The following PTPN4 variants were observed in gnomAD, a reference collection of about 807,000 sequenced individuals.
The protein encoded by PTPN4 is tyrosine-protein phosphatase non-receptor type 4.
PTPN4 carries 49 observed loss-of-function variants against 135.5 expected under a neutral mutation model. The ratio of observed to expected loss-of-function variants is 0.36; its 90% CI spans 0.29 to 0.46. The LOEUF (loss-of-function observed/expected upper bound fraction) is 0.46. Ranked by LOEUF, PTPN4 falls within the 20% of genes least tolerant of loss-of-function variation. The pLI is 1.00. For synonymous variants in PTPN4, 333 were observed against 369.9 expected (o/e 0.90, Z 1.14); for missense variants, 860 against 1,101.0 (o/e 0.78, Z 3.10).
intron 2 of PTPN4, among the ~76,000 whole-genome samples, chr2:119,815,937 T>C (rs1264168750): frequency 1.3e-5 from 2 of 152,246 alleles, no homozygotes; most frequent in Non-Finnish European, 2.9e-5. Context: ...ACCTGTGCAG[T>C]ACCACCAGAT....
At chr2:119,817,168 C>CT (rs1052799786) in intron 2 of PTPN4, among the ~76,000 whole-genome samples, 6 of 152,158 alleles carry the variant, frequency 3.9e-5, no homozygotes, top group African/African-American at 1.4e-4. Context: ...CCTAGGTTGT[C>CT]TTCCAGGGTT....
intron 1 of PTPN4, among the ~76,000 whole-genome samples, chr2:119,770,980 A>G (rs964928096): frequency 1.3e-5 from 2 of 151,912 alleles, no homozygotes; most frequent in African/African-American, 4.8e-5. Context: ...CCTGGGTTCA[A>G]GCGATTCTCC....
intron 26 of PTPN4, among the ~76,000 whole-genome samples, chr2:119,975,461 C>T (rs187907700): frequency 5.9e-5 from 9 of 152,306 alleles, no homozygotes; most frequent in African/African-American, 1.4e-4. Flanking sequence ...CGGTGGCTCA[C>T]GCCTGTAATC....
chr2:119,976,926 G>T (rs745436916), intron 26 of PTPN4, 58 bp from the exon 27 acceptor site: 4 of 1,561,470 alleles, frequency 2.6e-6, no homozygotes, highest in Non-Finnish European at 3.4e-6. Flanking sequence ...TTTGGGGGGA[G>T]AGGGGACGGT....
In PTPN4 at chr2:119,907,961, A is replaced by G. The variant is rs1392595075; in HGVS notation, c.764+7155A>G. Among the ~76,000 whole-genome samples, 3 of 152,186 alleles carry G rather than the reference A, an allele frequency of 2.0e-5. No homozygotes were observed. The East Asian group carries it at 5.8e-4, about 29-fold the overall frequency. On this transcript the variant is annotated intron_variant, in intron 10 of 26. Transcript: ENST00000263708. Reference sequence around the variant, plus strand: ...ATAAAAAATCAGCTCCAAATGGATTAGAGAGTTACACGTAAGACCTGAAAC... The same window carrying G: ...ATAAAAAATCAGCTCCAAATGGATTGGAGAGTTACACGTAAGACCTGAAAC...
chr2:119,899,418 C>T (rs914242220), intron 9 of PTPN4, among the ~76,000 whole-genome samples: 6 of 152,088 alleles, frequency 3.9e-5, no homozygotes, highest in African/African-American at 9.7e-5. Flanking sequence ...CTCTTTCCTA[C>T]GTAGTTTGGG....
At chr2:119,792,109 TAGAA>T (rs1409323921) in intron 1 of PTPN4, among the ~76,000 whole-genome samples, 6 of 152,224 alleles carry the variant, frequency 3.9e-5, no homozygotes, top group Non-Finnish European at 8.8e-5. Flanking sequence ...TTAACAGTGG[TAGAA>T]AGTTCGATTT....
chr2:119,925,500 A>G (rs1447550102), intron 12 of PTPN4, among the ~76,000 whole-genome samples: 1 of 152,182 alleles, frequency 6.6e-6, no homozygotes, highest in Non-Finnish European at 1.5e-5. Flanking sequence ...GACATCTTGT[A>G]AATGAAGTAG....
intron 18 of PTPN4, among the ~76,000 whole-genome samples, chr2:119,951,321 T>G (rs1679208294): frequency 6.6e-6 from 1 of 152,236 alleles, no homozygotes; most frequent in Non-Finnish European, 1.5e-5. Context: ...TATGGTCCAT[T>G]CAAACTTCAC....
intron 2 of PTPN4, among the ~76,000 whole-genome samples, chr2:119,843,616 G>A (rs1677418126): frequency 1.1e-5 from 1 of 94,822 alleles, no homozygotes; most frequent in South Asian, 3.9e-4. Context: ...GCCGGGCAGG[G>A]GGGCTGACCC....
intron 12 of PTPN4, among the ~76,000 whole-genome samples, chr2:119,923,845 T>A (rs1160013246): frequency 6.6e-6 from 1 of 151,938 alleles, no homozygotes; most frequent in Non-Finnish European, 1.5e-5. Context: ...AATATAACTT[T>A]AAAAAAATGA....
At chr2:119,928,804 C>T (rs890835337) in intron 13 of PTPN4, among the ~76,000 whole-genome samples, 2 of 151,722 alleles carry the variant, frequency 1.3e-5, no homozygotes, top group South Asian at 2.1e-4. Context: ...GTAGAACGTG[C>T]GATGTGGTCA....
chr2:119,766,475 T>C (rs1347561071), intron 1 of PTPN4, among the ~76,000 whole-genome samples: 18 of 127,076 alleles, frequency 1.4e-4, no homozygotes, highest in South Asian at 2.3e-4. Flanking sequence ...TGTGTGTGTG[T>C]GTGTGTGTCT....
intron 1 of PTPN4, among the ~76,000 whole-genome samples, chr2:119,766,381 TTCTC>T (rs1690618001): frequency 3.3e-5 from 5 of 151,674 alleles, no homozygotes; most frequent in South Asian, 2.1e-4. Context: ...ACCTTCCTCT[TTCTC>T]TCTCTTTTTC....
chr2:119,899,295 C>G (rs72838972), intron 9 of PTPN4, among the ~76,000 whole-genome samples: 3,652 of 152,254 alleles, frequency 0.024, 60 homozygotes, highest in Non-Finnish European at 0.033. Context: ...CAGCTGCTCC[C>G]TACCTGATTA....
At chr2:119,838,040 TATG>T (rs949933950) in intron 2 of PTPN4, among the ~76,000 whole-genome samples, 9 of 152,220 alleles carry the variant, frequency 5.9e-5, no homozygotes, top group Admixed American at 2.0e-4. Flanking sequence ...CAGTAGGAAA[TATG>T]ATGGGAAAAC....
rs1173706941 is a variant in PTPN4, at chr2:119,980,389, T to C, written c.*3319T>C. On this transcript the variant is annotated 3_prime_UTR_variant, in exon 27 of 27. Transcript: ENST00000263708. ...GTATTTAAGGAAAAGTCTCCTGTCT[T>C]CTATCTCCACTAGAAGTACTGCAGC... 1 of 152,042 alleles carries C rather than the reference T, an allele frequency of 6.6e-6. No homozygotes were observed. Among genetic ancestry groups the C allele is most frequent in the Non-Finnish European group, 1.5e-5 (1 of 67,926 alleles). The allele number at this position is 152,042 out of a possible 1,614,324, so 9.4% of individuals were successfully genotyped here.
intron 1 of PTPN4, among the ~76,000 whole-genome samples, chr2:119,781,142 G>A (rs1440583285): frequency 2.0e-5 from 3 of 151,980 alleles, no homozygotes; most frequent in African/African-American, 7.3e-5. Flanking sequence ...AGATTTTGAG[G>A]GCTTACTTCC....
intron 26 of PTPN4, 21 bp downstream of exon 26, chr2:119,967,993 A>T (rs761869527): frequency 6.6e-7 from 1 of 1,513,046 alleles, no homozygotes; most frequent in Admixed American, 1.9e-5. Context: ...TACTTTATAT[A>T]CAAGTGTATA....
Sources: allele counts gnomAD v4.1 joint callset (sites outside exome capture counted in the v4.1 genomes callset), GRCh38; gene constraint gnomAD v4.1.1; transcripts MANE v1.5; gene names NCBI Gene and HGNC (gene_info 2026-07-23, HGNC 2026-07-21).